NOL4: variants seen among roughly 807,000 people sequenced by gnomAD.
NOL4 encodes cancer/testis antigen 125.
In NOL4, 17 loss-of-function variants were observed where a neutral mutation model predicts 75.9. The observed-to-expected ratio is 0.22, with a 90% CI of 0.15 to 0.34. The LOEUF (loss-of-function observed/expected upper bound fraction) is 0.34, where lower values mean the gene tolerates loss of function less well. Ranked by LOEUF, NOL4 falls within the 10% of genes least tolerant of loss-of-function variation. The pLI is 1.00. For missense variants in NOL4, 614 were observed against 793.5 expected (o/e 0.77, Z 2.72); for synonymous variants, 292 against 289.9 (o/e 1.01, Z -0.07).
chr18:34,022,784 A>G (rs2075120137), intron 5 of NOL4, among the ~76,000 whole-genome samples: 1 of 152,078 alleles, frequency 6.6e-6, no homozygotes. Context: ...CTACGTTAGC[A>G]TAAGACAAAT....
intron 1 of NOL4, among the ~76,000 whole-genome samples, chr18:34,157,582 T>C (rs985235592): frequency 1.1e-4 from 16 of 150,240 alleles, no homozygotes; most frequent in Admixed American, 4.0e-4. Context: ...GATAAAACAA[T>C]TGATGTGGAT....
intron 10 of NOL4, among the ~76,000 whole-genome samples, chr18:33,880,620 C>T (rs550178396): frequency 6.6e-6 from 1 of 151,972 alleles, no homozygotes; most frequent in Non-Finnish European, 1.5e-5. Context: ...GAGACCCATG[C>T]GTCCTTTCCA....
intron 1 of NOL4, among the ~76,000 whole-genome samples, chr18:34,209,616 A>G (rs550183794): frequency 6.6e-6 from 1 of 152,252 alleles, no homozygotes; most frequent in African/African-American, 2.4e-5. Context: ...TCATTTGTGT[A>G]TATAGACTGG....
At chr18:34,210,127 T>C (rs1226724293) in intron 1 of NOL4, among the ~76,000 whole-genome samples, 1 of 152,220 alleles carries the variant, frequency 6.6e-6, no homozygotes, top group Non-Finnish European at 1.5e-5. Flanking sequence ...TAAATTTCCA[T>C]TTAACATATA....
intron 9 of NOL4, among the ~76,000 whole-genome samples, chr18:33,888,452 G>A (rs2144776323): frequency 6.6e-6 from 1 of 152,202 alleles, no homozygotes; most frequent in East Asian, 1.9e-4. Flanking sequence ...TTTGTCTTTT[G>A]TTGCCATTGC....
intron 6 of NOL4, among the ~76,000 whole-genome samples, chr18:33,988,895 G>A (rs1451170728): frequency 6.6e-6 from 1 of 151,948 alleles, no homozygotes; most frequent in Non-Finnish European, 1.5e-5. Context: ...ATTTAAAATA[G>A]AGGTTTAAAA....
chr18:34,179,043 TTGGAAAATTCACTAATG>T (rs2146317010), intron 1 of NOL4, among the ~76,000 whole-genome samples: 1 of 151,514 alleles, frequency 6.6e-6, no homozygotes, highest in African/African-American at 2.4e-5. Context: ...ATAAATCAAT[TTGGAAAATTCACTAATG>T]TGGAAATTAA....
At chr18:34,170,324 C>T (rs190497906) in intron 1 of NOL4, among the ~76,000 whole-genome samples, 1 of 151,812 alleles carries the variant, frequency 6.6e-6, no homozygotes, top group East Asian at 1.9e-4. Context: ...ATTACAGGCA[C>T]GTGCCACACT....
intron 2 of NOL4, among the ~76,000 whole-genome samples, chr18:34,115,716 C>T (rs2079822583): frequency 6.6e-6 from 1 of 152,200 alleles, no homozygotes; most frequent in Non-Finnish European, 1.5e-5. Context: ...AGAACGGTAA[C>T]CCTTTTTCGG....
At chr18:33,966,235 A>C (rs2070574007) in intron 6 of NOL4, among the ~76,000 whole-genome samples, 1 of 152,160 alleles carries the variant, frequency 6.6e-6, no homozygotes, top group African/African-American at 2.4e-5. Context: ...TATTTATTTA[A>C]GATGAGGAGA....
intron 5 of NOL4, among the ~76,000 whole-genome samples, chr18:34,029,837 T>C (rs2075545621): frequency 1.3e-5 from 2 of 152,300 alleles, no homozygotes; most frequent in African/African-American, 4.8e-5. Context: ...AAAATTCTAT[T>C]CAAATAATTT....
intron 5 of NOL4, among the ~76,000 whole-genome samples, chr18:34,063,855 T>C (rs1362198470): frequency 6.6e-6 from 1 of 152,054 alleles, no homozygotes; most frequent in Non-Finnish European, 1.5e-5. Flanking sequence ...AAAGATAGAT[T>C]ATTTTCTCTC....
At chr18:34,143,886 A>AAC (rs373735870) in intron 1 of NOL4, among the ~76,000 whole-genome samples, 2,877 of 145,158 alleles carry the variant, frequency 0.02, 28 homozygotes, top group African/African-American at 0.024. Flanking sequence ...AAAAAAAAAA[A>AAC]CCTGAAACTT....
chr18:34,012,394 C>T (rs2074424078), intron 6 of NOL4, among the ~76,000 whole-genome samples: 1 of 151,502 alleles, frequency 6.6e-6, no homozygotes, highest in South Asian at 2.1e-4. Flanking sequence ...TCTTATGTAT[C>T]ATTTTATTTT....
chr18:34,181,615 C>T (rs1038684728), intron 1 of NOL4, among the ~76,000 whole-genome samples: 7 of 151,336 alleles, frequency 4.6e-5, no homozygotes, highest in Admixed American at 4.0e-4. Context: ...ATAACACTAT[C>T]AAAGAAGTCA....
intron 1 of NOL4, among the ~76,000 whole-genome samples, chr18:34,169,475 A>G (rs926900260): frequency 1.4e-4 from 21 of 151,832 alleles, no homozygotes; most frequent in African/African-American, 4.6e-4. Flanking sequence ...GGAAAAAAAA[A>G]AAAAACAGCA....
intron 8 of NOL4, among the ~76,000 whole-genome samples, chr18:33,943,786 C>T (rs2068656285): frequency 6.6e-6 from 1 of 151,796 alleles, no homozygotes; most frequent in Non-Finnish European, 1.5e-5. Context: ...CCTATGTGTA[C>T]ATGCCTGTTT....
chr18:33,998,846 G>C (rs1360708203), intron 6 of NOL4, among the ~76,000 whole-genome samples: 1 of 152,052 alleles, frequency 6.6e-6, no homozygotes, highest in Non-Finnish European at 1.5e-5. Flanking sequence ...CCCTTGAAAT[G>C]TATTTATTTT....
chr18:33,995,717 T>C (rs1024886504), intron 6 of NOL4, among the ~76,000 whole-genome samples: 3 of 151,900 alleles, frequency 2.0e-5, no homozygotes, highest in Non-Finnish European at 1.5e-5. Flanking sequence ...GTTTAATTTC[T>C]ACATATTTTT....
Sources: gnomAD v4.1 joint callset for allele counts (sites outside exome capture counted in the v4.1 genomes callset) on GRCh38, gnomAD v4.1.1 for gene constraint, MANE v1.5 for transcripts, NCBI Gene and HGNC (gene_info 2026-07-23, HGNC 2026-07-21) for gene names.